FILIP1L: variants seen among roughly 807,000 people sequenced by gnomAD.
FILIP1L encodes filamin A-interacting protein 1-like.
Under a neutral mutation model 96.6 loss-of-function variants are expected in FILIP1L, and 55 were observed. That is an observed-to-expected ratio of 0.57 (90% confidence interval 0.46 to 0.71). The LOEUF is 0.71. Ranked by LOEUF, FILIP1L falls within the 30% of genes least tolerant of loss-of-function variation. The pLI is 0.00. For missense variants in FILIP1L, 1,304 were observed against 1,321.2 expected (o/e 0.99, Z 0.20); for synonymous variants, 467 against 473.9 (o/e 0.99, Z 0.19).
At chr3:99,958,148 C>T (rs1036144829) in intron 1 of FILIP1L, among the ~76,000 whole-genome samples, 3 of 149,098 alleles carry the variant, frequency 2.0e-5, no homozygotes, top group Admixed American at 1.3e-4. Context: ...TGAATCTGTG[C>T]CGTGGTGGTT....
At chr3:99,864,997 G>T (rs1187515684) in intron 4 of FILIP1L, among the ~76,000 whole-genome samples, 1 of 152,050 alleles carries the variant, frequency 6.6e-6, no homozygotes, top group African/African-American at 2.4e-5. Context: ...ACAGTACCTG[G>T]TACTTAATTG....
In FILIP1L at chr3:99,849,274, T is replaced by C. The variant is rs1251751640; in HGVS notation, c.2402A>G (p.Gln801Arg). 1.2e-6 allele frequency: 2 copies of C among 1,614,074 alleles called. No homozygotes were observed. The highest frequency in any genetic ancestry group is 1.1e-5 in the South Asian group (1 of 91,092). The change falls in exon 5 of 6, where the codon CAG (glutamine) becomes CGG (arginine). Residue 801 changes from glutamine to arginine, a missense_variant. Transcript: ENST00000477258. The stretch of plus-strand genomic sequence containing the variant: ...TGGTTCATTGTCTACTGCTTCTGTC[T>C]GAACTTCTTTAGAAAATACTTGAGG... ...SDPQVFSKEV[Q>R]TEAVDNEPPD... is the part of the protein sequence containing the mutation.
intron 1 of FILIP1L, among the ~76,000 whole-genome samples, chr3:99,982,118 A>G (rs1709141589): frequency 6.6e-6 from 1 of 152,208 alleles, no homozygotes. Context: ...ATAATGTTAT[A>G]ATTAGTTTAA....
intron 1 of FILIP1L, among the ~76,000 whole-genome samples, chr3:99,975,741 C>T (rs1211554338): frequency 6.6e-6 from 1 of 152,142 alleles, no homozygotes; most frequent in African/African-American, 2.4e-5. Context: ...AGTATATACT[C>T]ATATCAAGGT....
At chr3:100,113,322 G>A (rs982909493) in intron 1 of FILIP1L, among the ~76,000 whole-genome samples, 3 of 152,084 alleles carry the variant, frequency 2.0e-5, no homozygotes, top group Non-Finnish European at 4.4e-5. Context: ...GATATCATTT[G>A]GCAGCAGCCT....
At chr3:100,011,472 A>G (rs1710155247) in intron 1 of FILIP1L, among the ~76,000 whole-genome samples, 1 of 152,194 alleles carries the variant, frequency 6.6e-6, no homozygotes, top group African/African-American at 2.4e-5. Context: ...TTCCTCCAAA[A>G]TGGAGTTGGA....
intron 4 of FILIP1L, among the ~76,000 whole-genome samples, chr3:99,903,003 T>C (rs1706487222): frequency 6.6e-6 from 1 of 152,164 alleles, no homozygotes; most frequent in East Asian, 1.9e-4. Context: ...GTTTCATGAT[T>C]AAGGATATAA....
At chr3:100,070,753 T>A (rs1002702997) in intron 1 of FILIP1L, among the ~76,000 whole-genome samples, 1 of 152,098 alleles carries the variant, frequency 6.6e-6, no homozygotes, top group Non-Finnish European at 1.5e-5. Flanking sequence ...TGCCTCAGCC[T>A]CCCAAGTAGC....
At chr3:99,858,864 G>T (rs1376116548) in intron 4 of FILIP1L, among the ~76,000 whole-genome samples, 1 of 152,234 alleles carries the variant, frequency 6.6e-6, no homozygotes, top group African/African-American at 2.4e-5. Context: ...CTCTGGAAAA[G>T]CGTCTGGTTT....
chr3:100,029,251 T>C (rs1384643230), intron 1 of FILIP1L, among the ~76,000 whole-genome samples: 2 of 151,830 alleles, frequency 1.3e-5, no homozygotes, highest in Non-Finnish European at 2.9e-5. Context: ...AAATAAAATA[T>C]TAAAATTAAT....
intron 1 of FILIP1L, among the ~76,000 whole-genome samples, chr3:99,956,889 G>A (rs970057970): frequency 1.1e-4 from 17 of 151,932 alleles, no homozygotes; most frequent in East Asian, 7.7e-4. Flanking sequence ...TCCCACCCCC[G>A]ACTTACAGTC....
intron 1 of FILIP1L, among the ~76,000 whole-genome samples, chr3:100,066,806 C>T (rs1329771718): frequency 1.1e-5 from 1 of 94,858 alleles, no homozygotes; most frequent in African/African-American, 3.4e-5. Context: ...GCTGGGATTA[C>T]AGGCGTGGCT....
At chr3:99,868,240 T>A (rs973395566) in intron 4 of FILIP1L, among the ~76,000 whole-genome samples, 7 of 152,152 alleles carry the variant, frequency 4.6e-5, no homozygotes. Flanking sequence ...AGGGACTGCC[T>A]TGTAGCAGGG....
chr3:99,998,178 A>G (rs1709737603), intron 1 of FILIP1L, among the ~76,000 whole-genome samples: 1 of 152,220 alleles, frequency 6.6e-6, no homozygotes, highest in Non-Finnish European at 1.5e-5. Context: ...AAAGTTATTA[A>G]TGGCAAAAAC....
intron 1 of FILIP1L, among the ~76,000 whole-genome samples, chr3:100,030,452 TA>T (rs1309352150): frequency 1.3e-5 from 2 of 152,134 alleles, no homozygotes; most frequent in Non-Finnish European, 2.9e-5. Flanking sequence ...TGTAATAGGG[TA>T]ATGATTCGTC....
chr3:100,016,909 C>T (rs976051622), intron 1 of FILIP1L, among the ~76,000 whole-genome samples: 14 of 152,208 alleles, frequency 9.2e-5, no homozygotes, highest in Non-Finnish European at 2.1e-4. Flanking sequence ...AAATATCAAT[C>T]AGAATATTTC....
At chr3:99,868,960 G>T (rs796360670) in intron 4 of FILIP1L, among the ~76,000 whole-genome samples, 103 of 152,198 alleles carry the variant, frequency 6.8e-4, no homozygotes, top group African/African-American at 2.4e-3. Flanking sequence ...CTCCTTAAAG[G>T]AATAATACCT....
At chr3:99,994,093 C>T (rs1709602914) in intron 1 of FILIP1L, among the ~76,000 whole-genome samples, 2 of 152,074 alleles carry the variant, frequency 1.3e-5, no homozygotes, top group South Asian at 4.1e-4. Flanking sequence ...TCCATTTGAT[C>T]TTGTGCTTTT....
At chr3:99,875,580 C>T (rs1293832471) in intron 4 of FILIP1L, among the ~76,000 whole-genome samples, 1 of 152,180 alleles carries the variant, frequency 6.6e-6, no homozygotes, top group Non-Finnish European at 1.5e-5. Flanking sequence ...TTAGATTCGT[C>T]TTAATTCCAA....
Sources: allele counts gnomAD v4.1 joint callset (sites outside exome capture counted in the v4.1 genomes callset), GRCh38; gene constraint gnomAD v4.1.1; transcripts MANE v1.5; gene names NCBI Gene and HGNC (gene_info 2026-07-23, HGNC 2026-07-21).